Variants in TBCD observed in about 807,000 individuals in gnomAD.
The protein encoded by TBCD is tubulin-specific chaperone D.
Under a neutral mutation model 169.3 loss-of-function variants are expected in TBCD, and 105 were observed. The ratio of observed to expected loss-of-function variants is 0.62; its 90% confidence interval spans 0.53 to 0.73. The LOEUF is 0.73. Ranked by LOEUF, TBCD falls within the 30% of genes least tolerant of loss-of-function variation. The pLI is 0.00. For missense variants in TBCD, 1,444 were observed against 1,600.1 expected, an observed-to-expected ratio of 0.90 and a Z score of 1.66; for synonymous variants, 700 against 643.9, an observed-to-expected ratio of 1.09 and a Z score of -1.32.
chr17:82,827,911 A>C (rs1292956162), intron 13 of TBCD, among the ~76,000 whole-genome samples: 7 of 143,500 alleles, frequency 4.9e-5, no homozygotes, highest in East Asian at 2.2e-4. Flanking sequence ...ATGCACACAC[A>C]CCCCCATAGA....
chr17:82,886,794 C>T (rs1351599398), intron 15 of TBCD, among the ~76,000 whole-genome samples: 1 of 148,690 alleles, frequency 6.7e-6, no homozygotes, highest in Non-Finnish European at 1.5e-5. Flanking sequence ...CTCAGCCTCC[C>T]GAGTAGCTGG....
intron 34 of TBCD, among the ~76,000 whole-genome samples, chr17:82,934,000 G>A (rs148643141): frequency 4.9e-4 from 74 of 152,338 alleles, no homozygotes; most frequent in African/African-American, 1.7e-3. Context: ...GCTCCCTGGC[G>A]CTTCCCTTCC....
At chr17:82,860,664 C>T (rs374563711) in intron 13 of TBCD, among the ~76,000 whole-genome samples, 132 of 152,296 alleles carry the variant, frequency 8.7e-4, no homozygotes, top group Middle Eastern at 6.8e-3. Flanking sequence ...CTGGTGTCTT[C>T]TGCCATTTGT....
rs1266783671 is a variant in TBCD at position 82,942,923 on chromosome 17, T to TAGAG, written c.*462_*465dup. 2.4e-5 allele frequency: 5 copies of TAGAG among 205,326 alleles called. No homozygotes were observed. Among genetic ancestry groups the TAGAG allele is most frequent in the Admixed American group, 5.7e-5 (1 of 17,470 alleles). The allele number at this position is 205,326 out of a possible 1,614,324, so 12.7% of individuals were successfully genotyped here. A position where few individuals can be genotyped will look rare whatever the true frequency, so the allele number is the denominator to read the frequency against. On this transcript the variant is annotated 3_prime_UTR_variant, in exon 39 of 39. Transcript: ENST00000355528. The stretch of plus-strand genomic sequence containing the variant: ...AATGTTAAATCAGAGGTTCAAATGC[T>TAGAG]AGAGAACTGAGAAGCCCTGGTGGCA...
At chr17:82,814,539 G>A (rs1325989368) in intron 12 of TBCD, among the ~76,000 whole-genome samples, 3 of 152,228 alleles carry the variant, frequency 2.0e-5, no homozygotes, top group South Asian at 2.1e-4. Context: ...ATTTTGAGAC[G>A]GAGTCTTGCT....
intron 7 of TBCD, among the ~76,000 whole-genome samples, chr17:82,793,103 C>A (rs966913948): frequency 1.8e-4 from 28 of 152,160 alleles, no homozygotes; most frequent in Non-Finnish European, 7.3e-5. Flanking sequence ...TCTTAAAATT[C>A]TTTATAATTT....
intron 23 of TBCD, 68 bp downstream of exon 23, chr17:82,911,857 C>T (rs148802709): frequency 2.3e-4 from 356 of 1,575,180 alleles, no homozygotes; most frequent in African/African-American, 1.8e-3. Flanking sequence ...GAGGTGTGCT[C>T]GTGGCGTGCA....
chr17:82,915,898 C>G lies in TBCD; in HGVS notation c.2038+4109C>G, dbSNP rs865947428. 8.5e-5 allele frequency among the ~76,000 whole-genome samples: 13 copies of G among 152,296 alleles called. No homozygotes were observed. The highest frequency in any genetic ancestry group is 6.8e-3 in the Middle Eastern group (2 of 294). On this transcript the variant is annotated intron_variant, in intron 23 of 38. Coordinates refer to ENST00000355528, the MANE Select transcript of TBCD (RefSeq NM_005993.5). The surrounding 1 kb of genome is among the most constrained non-coding windows in gnomAD (Gnocchi z 4.3). ...ACTTCCTGCTGTGGGGGTGAGGGCT[C>G]CGTGCTCCATCTCTGATGCCCTGTA...
chr17:82,945,536 A>G lies in TBCD; in HGVS notation c.*3073A>G, dbSNP rs948870865. On this transcript the variant is annotated 3_prime_UTR_variant, in exon 39 of 39. Coordinates refer to ENST00000355528, the MANE Select transcript of TBCD (RefSeq NM_005993.5). ...TTATGCTGAGAGAAAATAGCTGTCA[A>G]GTTGCTTGAATTGTGCCCACAGCAT... is the stretch of plus-strand genomic sequence containing the variant. The G allele has an allele frequency of 2.0e-5, 3 of 152,246 alleles. No individual in the cohort carries two copies. Among genetic ancestry groups the G allele is most frequent in the Non-Finnish European group, 4.4e-5 (3 of 68,034 alleles). 9.4% of individuals were successfully genotyped at this position (152,246 alleles called of 1,614,324 possible).
At position 82,870,278 on chromosome 17, in the gene TBCD, G is replaced by A; in HGVS notation, c.1373G>A (p.Ser458Asn). 6.2e-7 allele frequency: 1 copy of A among 1,613,552 alleles called. No individual in the cohort carries two copies. Among genetic ancestry groups the A allele is most frequent in the East Asian group, 2.2e-5 (1 of 44,884 alleles). The part of the protein sequence containing the change: ...LTYDEKRGAC[S>N]VGTNVRDAAC... The stretch of plus-strand genomic sequence containing the variant: ...TACGACGAGAAGCGGGGTGCCTGCA[G>A]CGTGGGCACCAACGTCAGGGACGCC... Residue 458 changes from serine to asparagine, a missense_variant, in exon 14 of 39, where the codon AGC becomes AAC. Ser to Asn is a conservative substitution (Grantham distance 46). Coordinates refer to ENST00000355528, the MANE Select transcript of TBCD (RefSeq NM_005993.5).
chr17:82,923,707 C>T lies in TBCD; in HGVS notation c.2234C>T (p.Pro745Leu), dbSNP rs193159546. 50 of 1,599,318 alleles carry T rather than the reference C, an allele frequency of 3.1e-5. No homozygotes were observed. Among genetic ancestry groups the T allele is most frequent in the Admixed American group, 1.6e-4 (9 of 58,004 alleles). ...TGCAGTGAATATTACATGAAGGAGC[C>T]GGGGGAGGCAGATCCCGCAATTCAG... ...ALCSEYYMKEPGEADPAIQEE... is the reference protein window; with the variant it reads ...ALCSEYYMKELGEADPAIQEE... The change falls in exon 26 of 39, where the codon CCG becomes CTG. Residue 745 changes from proline (P) to leucine (L), a missense_variant. Physicochemically the swap from Pro to Leu is moderately conservative, Grantham distance 98 (BLOSUM62 -3). Coordinates refer to ENST00000355528, the MANE Select transcript of TBCD (RefSeq NM_005993.5). This position sits in a 1 kb window ranked among gnomAD's most constrained non-coding sequence, Gnocchi z 4.6.
At chr17:82,853,500 T>G (rs899563865) in intron 13 of TBCD, among the ~76,000 whole-genome samples, 1 of 151,946 alleles carries the variant, frequency 6.6e-6, no homozygotes, top group Non-Finnish European at 1.5e-5. Flanking sequence ...ACTCATGGGC[T>G]AGATCCATCC....
intron 2 of TBCD, among the ~76,000 whole-genome samples, 158 bp downstream of exon 2, chr17:82,756,373 T>G (rs1209768692): frequency 6.6e-6 from 1 of 152,192 alleles, no homozygotes; most frequent in African/African-American, 2.4e-5. Flanking sequence ...CGACCTGTGA[T>G]AGTGGCTTGA....
chr17:82,800,081 A>G (rs759368173), intron 8 of TBCD, among the ~76,000 whole-genome samples: 2 of 131,180 alleles, frequency 1.5e-5, no homozygotes, highest in Non-Finnish European at 3.2e-5. Context: ...CCATCACCTC[A>G]CCTAACTCTC....
chr17:82,865,121 T>C (rs926971202), intron 13 of TBCD, among the ~76,000 whole-genome samples: 1 of 152,104 alleles, frequency 6.6e-6, no homozygotes, highest in African/African-American at 2.4e-5. Flanking sequence ...AACCAGGTGT[T>C]CTGTCCATCA....
chr17:82,766,782 G>T (rs2048037841), intron 4 of TBCD, among the ~76,000 whole-genome samples: 2 of 152,200 alleles, frequency 1.3e-5, no homozygotes, highest in South Asian at 4.1e-4. Context: ...AGCAAAATCA[G>T]CAAAGGGAAA....
intron 2 of TBCD, among the ~76,000 whole-genome samples, chr17:82,757,107 A>T (rs2047441424): frequency 6.6e-6 from 1 of 152,200 alleles, no homozygotes; most frequent in Admixed American, 6.5e-5. Context: ...AGGTGGCAAT[A>T]GTCACCACGT....
chr17:82,941,796 A>G, intron 38 of TBCD: 2 of 413,772 alleles, frequency 4.8e-6, no homozygotes, highest in Non-Finnish European at 8.6e-6. Flanking sequence ...TCCAAGTGCC[A>G]AGAGTGCCAC....
At chr17:82,854,499 G>A (rs1428424152) in intron 13 of TBCD, among the ~76,000 whole-genome samples, 1 of 152,222 alleles carries the variant, frequency 6.6e-6, no homozygotes, top group African/African-American at 2.4e-5. Context: ...TCTGCTCTGT[G>A]GTGTACAGAT....
Sources: gnomAD v4.1 joint callset for allele counts (sites outside exome capture counted in the v4.1 genomes callset) on GRCh38, gnomAD v4.1.1 for gene constraint, Gnocchi (gnomAD v3.1) non-coding constraint, MANE v1.5 for transcripts, NCBI Gene and HGNC (gene_info 2026-07-23, HGNC 2026-07-21) for gene names.